The following CDH11 variants were observed in gnomAD, a reference collection of about 807,000 sequenced individuals.
CDH11 encodes cadherin-11.
CDH11 carries 11 observed loss-of-function variants against 67.8 expected under a neutral mutation model. The observed-to-expected ratio is 0.16, with a 90% confidence interval of 0.10 to 0.27. The LOEUF (loss-of-function observed/expected upper bound fraction) is 0.27. Ranked by LOEUF, CDH11 falls within the 10% of genes least tolerant of loss-of-function variation. The probability of loss-of-function intolerance (pLI) is 1.00; values close to 1 mark genes in which losing one functional copy is unlikely to be tolerated. For missense variants in CDH11, 847 were observed against 1,031.2 expected (o/e 0.82, Z 2.45); for synonymous variants, 419 against 400.0 (o/e 1.05, Z -0.57).
chr16:65,105,437 C>T (rs140681757), intron 1 of CDH11, among the ~76,000 whole-genome samples: 263 of 152,328 alleles, frequency 1.7e-3, no homozygotes, highest in Non-Finnish European at 2.9e-3. Context: ...CAAGATACCT[C>T]CCAGGGCAAC....
At chr16:65,091,169 C>T (rs2074786196) in intron 1 of CDH11, among the ~76,000 whole-genome samples, 2 of 152,272 alleles carry the variant, frequency 1.3e-5, no homozygotes, top group Non-Finnish European at 2.9e-5. Flanking sequence ...CTTTGTAATA[C>T]TTCTAGTGAC....
chr16:65,095,247 A>G (rs2074868650), intron 1 of CDH11, among the ~76,000 whole-genome samples: 1 of 152,116 alleles, frequency 6.6e-6, no homozygotes, highest in Non-Finnish European at 1.5e-5. Context: ...GCATACAAAG[A>G]TATCTCTAAT....
rs1267221037 is a variant in CDH11 at position 64,998,599 on chromosome 16, C to G, written c.486G>C (p.Glu162Asp). 2.5e-6 allele frequency: 4 copies of G among 1,614,078 alleles called. No homozygotes were observed. Among genetic ancestry groups the G allele is most frequent in the Admixed American group, 1.7e-5 (1 of 60,018 alleles). ...INDNPPEFLH[E>D]TYHANVPERS... ...TCTCAGGCACGTTGGCATGATAGGTCTCGTGCAGGAACTCCGGAGGGTTGT... is the reference window on the plus strand; with the variant it reads ...TCTCAGGCACGTTGGCATGATAGGTGTCGTGCAGGAACTCCGGAGGGTTGT... Residue 162 changes from glutamate to aspartate, a missense_variant, in exon 4 of 13, where the codon GAG becomes GAC. Physicochemically the swap from Glu to Asp is conservative, Grantham distance 45 (BLOSUM62 2). Around this residue, in one of 2 missense-constraint regions of CDH11, gnomAD observed 235 missense variants for 352.5 expected, o/e 0.67. Coordinates refer to ENST00000268603, the MANE Select transcript of CDH11 (RefSeq NM_001797.4).
chr16:64,974,904 C>G (rs2072120849), intron 8 of CDH11, among the ~76,000 whole-genome samples: 1 of 152,210 alleles, frequency 6.6e-6, no homozygotes, highest in Admixed American at 6.5e-5. Context: ...ACTTCATAAT[C>G]TGCTACATAT....
intron 2 of CDH11, among the ~76,000 whole-genome samples, chr16:65,019,375 T>C (rs1271913519): frequency 2.0e-5 from 3 of 152,196 alleles, no homozygotes; most frequent in African/African-American, 7.2e-5. Context: ...ATTGATAAAG[T>C]GGAGACTTAA....
At chr16:65,035,384 C>T (rs2073733039) in intron 2 of CDH11, among the ~76,000 whole-genome samples, 1 of 152,154 alleles carries the variant, frequency 6.6e-6, no homozygotes, top group South Asian at 2.1e-4. Context: ...ACATGAGCAG[C>T]TGGTATTCAA....
At chr16:65,070,993 C>T (rs987263297) in intron 1 of CDH11, among the ~76,000 whole-genome samples, 1 of 152,168 alleles carries the variant, frequency 6.6e-6, no homozygotes, top group African/African-American at 2.4e-5. Flanking sequence ...CCCAGCAATT[C>T]TGAGGCAGGG....
chr16:65,119,573 A>T (rs1452839764), intron 1 of CDH11, among the ~76,000 whole-genome samples: 2 of 152,200 alleles, frequency 1.3e-5, no homozygotes, highest in African/African-American at 4.8e-5. Flanking sequence ...ATAAGCAGCC[A>T]TTTGAATAAA....
intron 1 of CDH11, among the ~76,000 whole-genome samples, chr16:65,099,839 T>C (rs1043195794): frequency 6.6e-6 from 1 of 152,014 alleles, no homozygotes; most frequent in Admixed American, 6.6e-5. Flanking sequence ...AGCTGCCAAG[T>C]TCATTGCCCT....
At chr16:65,105,025 T>A (rs972264548) in intron 1 of CDH11, among the ~76,000 whole-genome samples, 1 of 152,210 alleles carries the variant, frequency 6.6e-6, no homozygotes, top group African/African-American at 2.4e-5. Flanking sequence ...AGTTCCTGCA[T>A]GGCCAGTAAA....
At chr16:65,055,720 G>A (rs2074131139) in intron 1 of CDH11, among the ~76,000 whole-genome samples, 1 of 152,146 alleles carries the variant, frequency 6.6e-6, no homozygotes, top group Admixed American at 6.5e-5. Context: ...TTAAGATTTT[G>A]GAGGCTGCTG....
chr16:65,050,976 C>T (rs1241745016), intron 2 of CDH11, among the ~76,000 whole-genome samples: 1 of 152,100 alleles, frequency 6.6e-6, no homozygotes, highest in Non-Finnish European at 1.5e-5. Flanking sequence ...TGAAGAGCCC[C>T]ATTTGGCTCA....
chr16:65,111,608 G>C (rs1439926718), intron 1 of CDH11, among the ~76,000 whole-genome samples: 1 of 151,716 alleles, frequency 6.6e-6, no homozygotes, highest in African/African-American at 2.4e-5. Flanking sequence ...GTAGAAGGGA[G>C]TTCATAATCT....
At chr16:65,071,852 G>A (rs2074422742) in intron 1 of CDH11, 1 of 152,226 alleles carries the variant, frequency 6.6e-6, no homozygotes, top group African/African-American at 2.4e-5. Flanking sequence ...GGCGGCAGCT[G>A]TTACAGCAGG....
intron 3 of CDH11, among the ~76,000 whole-genome samples, chr16:65,003,413 C>T (rs918186363): frequency 4.0e-4 from 61 of 152,054 alleles, no homozygotes; most frequent in African/African-American, 1.3e-3. Flanking sequence ...CTCACCACCA[C>T]GCCTGGCTAA....
intron 1 of CDH11, among the ~76,000 whole-genome samples, chr16:65,116,895 T>C (rs1259083453): frequency 6.6e-6 from 1 of 152,188 alleles, no homozygotes; most frequent in African/African-American, 2.4e-5. Context: ...TATCCCGATG[T>C]ACCAGATTTT....
chr16:65,118,047 T>C (rs1475067213), intron 1 of CDH11, among the ~76,000 whole-genome samples: 2 of 152,198 alleles, frequency 1.3e-5, no homozygotes, highest in Non-Finnish European at 2.9e-5. Context: ...CACAGCTAGA[T>C]TGAATTCGGT....
chr16:65,013,546 C>T (rs766226007), intron 2 of CDH11, among the ~76,000 whole-genome samples: 6 of 152,126 alleles, frequency 3.9e-5, no homozygotes, highest in Non-Finnish European at 8.8e-5. Context: ...AAAAACCCAG[C>T]CGGGCGCAGT....
intron 1 of CDH11, among the ~76,000 whole-genome samples, chr16:65,069,058 C>A (rs558406601): frequency 1.3e-5 from 2 of 152,120 alleles, no homozygotes; most frequent in Non-Finnish European, 2.9e-5. Context: ...CAATTCTTTG[C>A]GTAATCTCAT....
Sources: gnomAD v4.1 joint callset for allele counts (sites outside exome capture counted in the v4.1 genomes callset) on GRCh38, gnomAD v4.1.1 for gene constraint, gnomAD v4.1.1 regional missense constraint, MANE v1.5 for transcripts, NCBI Gene and HGNC (gene_info 2026-07-23, HGNC 2026-07-21) for gene names.